STIP1: variants seen among roughly 807,000 people sequenced by gnomAD.
STIP1 encodes stress-induced-phosphoprotein 1.
In STIP1, 16 loss-of-function variants were observed where a neutral mutation model predicts 77.4. The ratio of observed to expected loss-of-function variants is 0.21; its 90% CI spans 0.14 to 0.31. The LOEUF is 0.31. STIP1 is among the 10% of genes least tolerant of loss of function. The pLI, the probability that STIP1 is intolerant of heterozygous loss-of-function variation, is 1.00. For synonymous variants in STIP1, 258 were observed against 246.6 expected (o/e 1.05, Z -0.44); for missense variants, 524 against 684.8 (o/e 0.77, Z 2.62).
At chr11:64,198,553 C>G (rs1433135207) in intron 8 of STIP1, among the ~76,000 whole-genome samples, 5 of 152,070 alleles carry the variant, frequency 3.3e-5, no homozygotes, top group Non-Finnish European at 7.4e-5. Flanking sequence ...CACTGTGTTG[C>G]CCAGGTTGGT....
intron 8 of STIP1, among the ~76,000 whole-genome samples, chr11:64,199,398 C>T (rs1946188770): frequency 6.8e-6 from 1 of 146,020 alleles, no homozygotes; most frequent in Non-Finnish European, 1.5e-5. Flanking sequence ...CCCAGCTACT[C>T]GGGAGGCTGA....
rs778162151 is a variant in STIP1 at position 64,195,734 on chromosome 11, C to T, written c.593C>T (p.Thr198Ile). ...ATGGATGAGGAGGAAGAGATTGCAA[C>T]ACCTCCACCACCACCCCCTCCCAAA... ...GSMDEEEEIA[T>I]PPPPPPPKKE... The change falls in exon 5 of 14, where the codon ACA becomes ATA. Residue 198 changes from threonine to isoleucine, a missense_variant. By Grantham distance (89) the Thr-to-Ile change is moderately conservative. Transcript: ENST00000305218. 1.2e-6 allele frequency: 2 copies of T among 1,614,112 alleles called. No individual in the cohort carries two copies. The highest frequency in any genetic ancestry group is 8.5e-7 in the Non-Finnish European group (1 of 1,180,030).
At chr11:64,203,708 C>T (rs914113829) in intron 13 of STIP1, 86 bp downstream of exon 13, 2 of 1,540,754 alleles carry the variant, frequency 1.3e-6, no homozygotes, top group Non-Finnish European at 1.8e-6. Context: ...GTGGTATGCT[C>T]AGTCTGCGAG....
chr11:64,195,418 CTG>C (rs1946138293), intron 4 of STIP1, among the ~76,000 whole-genome samples: 1 of 152,020 alleles, frequency 6.6e-6, no homozygotes, highest in African/African-American at 2.4e-5. Flanking sequence ...GCTCCGCTAT[CTG>C]TGACTTCATT....
At chr11:64,203,409 T>C (rs1273723363) in intron 12 of STIP1, 41 bp from the exon 13 acceptor site, 13 of 1,610,878 alleles carry the variant, frequency 8.1e-6, no homozygotes, top group Non-Finnish European at 1.1e-5. Context: ...GTGAGCTGGG[T>C]GGTCCTAACA....
At position 64,203,119 on chromosome 11, in the gene STIP1, T is replaced by C. The variant is rs751576791; in HGVS notation, c.1283-6T>C. ...TTGGATAACGCGCCACCTTTCCTGT[T>C]TGTAGTCAAGGGTTATACACGGAAA... On this transcript the variant is annotated splice_region_variant and splice_polypyrimidine_tract_variant and intron_variant, in intron 11 of 13. Coordinates refer to ENST00000305218, the MANE Select transcript of STIP1 (RefSeq NM_006819.3). The C allele has an allele frequency of 6.2e-7, 1 of 1,614,168 alleles. No individual in the cohort carries two copies. The highest frequency in any genetic ancestry group is 8.5e-7 in the Non-Finnish European group (1 of 1,180,018).
At chr11:64,187,725 G>A (rs1280950488) in intron 1 of STIP1, among the ~76,000 whole-genome samples, 4 of 152,160 alleles carry the variant, frequency 2.6e-5, no homozygotes, top group South Asian at 2.1e-4. Context: ...ATCTGGGGCC[G>A]GGCACCGTGG....
rs548128268 is a variant in STIP1, at chr11:64,204,237, T to C, written c.*111T>C. 1.4e-4 allele frequency: 151 copies of C among 1,081,878 alleles called. No individual in the cohort carries two copies. In the East Asian group the frequency reaches 2.7e-3, roughly 19 times the overall value. 67.0% of individuals were successfully genotyped at this position (1,081,878 alleles called of 1,614,324 possible). A position where few individuals can be genotyped will look rare whatever the true frequency, so the allele number is the denominator to read the frequency against. On this transcript the variant is annotated 3_prime_UTR_variant, in exon 14 of 14. Transcript: ENST00000305218. ...CAGGGGAGAGAAGGCCTCATCTCTCTATATTTATACATAACCCCGGGGAAG... is the reference window on the plus strand; with the variant it reads ...CAGGGGAGAGAAGGCCTCATCTCTCCATATTTATACATAACCCCGGGGAAG...
chr11:64,201,035 TTA>T (rs1565283374), intron 10 of STIP1, among the ~76,000 whole-genome samples: 4 of 137,942 alleles, frequency 2.9e-5, no homozygotes, highest in Non-Finnish European at 3.0e-5. Flanking sequence ...CCCCCTTTTT[TTA>T]AAAAAAAAAA....
chr11:64,186,814 G>A (rs1052980277), intron 1 of STIP1, among the ~76,000 whole-genome samples: 5 of 152,194 alleles, frequency 3.3e-5, no homozygotes, highest in African/African-American at 1.2e-4. Context: ...TGGGGCAAAT[G>A]TTACTCTTCT....
At position 64,197,386 on chromosome 11, in the gene STIP1, C is replaced by T; in HGVS notation, c.788C>T (p.Thr263Ile). 1 of 1,614,000 alleles carries T rather than the reference C, an allele frequency of 6.2e-7. No individual in the cohort carries two copies. Among genetic ancestry groups the T allele is most frequent in the Non-Finnish European group, 8.5e-7 (1 of 1,180,000 alleles). Residue 263 changes from threonine to isoleucine, a missense_variant, in exon 6 of 14, where the codon ACC (threonine) becomes ATC (isoleucine). Thr to Ile is a moderately conservative substitution (Grantham distance 89). Transcript: ENST00000305218. ...GACCCCACTAACATGACTTACATTACCAATCAAGCAGGTGAGGCCCAGAAA... is the reference window on the plus strand; with the variant it reads ...GACCCCACTAACATGACTTACATTATCAATCAAGCAGGTGAGGCCCAGAAA... ...ELDPTNMTYITNQAAVYFEKG... is the reference protein window; with the variant it reads ...ELDPTNMTYIINQAAVYFEKG...
chr11:64,197,692 A>C (rs754607285), intron 7 of STIP1, 97 bp downstream of exon 7: 1 of 1,564,410 alleles, frequency 6.4e-7, no homozygotes. Context: ...CTGGCCATAG[A>C]ATCTGCTGTG....
At chr11:64,185,608 G>A (rs899616214), upstream of STIP1, 39 of 609,826 alleles carry the variant, frequency 6.4e-5, no homozygotes, top group African/African-American at 5.2e-4. Context: ...GGACCGCCTG[G>A]AACTCGCGGC....
upstream of STIP1, chr11:64,186,051 G>A: frequency 6.5e-7 from 1 of 1,546,450 alleles, no homozygotes; most frequent in South Asian, 1.2e-5. Context: ...GCTGTCCAAT[G>A]AGAAGGAAGT....
At position 64,200,321 on chromosome 11, in the gene STIP1, A is replaced by G. The variant is rs760842395; in HGVS notation, c.1245+28A>G. Reference sequence around the variant, plus strand: ...GACGAGACCTGTGGGGGCGGCCATTACTGAAAGCCTGCACATGAGGAGTGG... The same window carrying G: ...GACGAGACCTGTGGGGGCGGCCATTGCTGAAAGCCTGCACATGAGGAGTGG... On this transcript the variant is annotated intron_variant, in intron 10 of 13. Transcript: ENST00000305218. 2.6e-5 allele frequency: 41 copies of G among 1,587,094 alleles called. No homozygotes were observed. The South Asian group carries it at 4.4e-4, about 17-fold the overall frequency.
chr11:64,196,311 G>A (rs560590592), intron 5 of STIP1, among the ~76,000 whole-genome samples: 70 of 148,200 alleles, frequency 4.7e-4, no homozygotes, highest in Non-Finnish European at 9.2e-4. Context: ...CAGAAGAATC[G>A]CTTGAACTCG....
intron 1 of STIP1, among the ~76,000 whole-genome samples, chr11:64,189,717 T>C (rs1946069898): frequency 6.6e-6 from 1 of 152,210 alleles, no homozygotes; most frequent in Non-Finnish European, 1.5e-5. Context: ...TTTGGTCTCT[T>C]AAAATGCTGG....
At position 64,197,516 on chromosome 11, in the gene STIP1, T is replaced by G; in HGVS notation, c.823T>G (p.Tyr275Asp). The G allele has an allele frequency of 6.2e-7, 1 of 1,614,134 alleles. No homozygotes were observed. The highest frequency in any genetic ancestry group is 8.5e-7 in the Non-Finnish European group (1 of 1,180,026). The change falls in exon 7 of 14, where the codon TAC becomes GAC. Residue 275 changes from tyrosine to aspartate, a missense_variant. By Grantham distance (160) the Tyr-to-Asp change is radical. Coordinates refer to ENST00000305218, the MANE Select transcript of STIP1 (RefSeq NM_006819.3). ...QAAVYFEKGD[Y>D]NKCRELCEKA... Reference sequence around the variant, plus strand: ...AGCGGTATACTTTGAAAAGGGCGACTACAATAAGTGCCGGGAGCTTTGTGA... The same window carrying G: ...AGCGGTATACTTTGAAAAGGGCGACGACAATAAGTGCCGGGAGCTTTGTGA...
chr11:64,186,614 G>A (rs1396929815), intron 1 of STIP1: 1 of 136,868 alleles, frequency 7.3e-6, no homozygotes, highest in Non-Finnish European at 1.6e-5. Context: ...GAGGGTGCGG[G>A]CCGCAGGGGG....
Sources: gnomAD v4.1 joint callset for allele counts (sites outside exome capture counted in the v4.1 genomes callset) on GRCh38, gnomAD v4.1.1 for gene constraint, MANE v1.5 for transcripts, NCBI Gene and HGNC (gene_info 2026-07-23, HGNC 2026-07-21) for gene names.